Variants in TRPC5 observed in about 807,000 individuals in gnomAD.
The protein encoded by TRPC5 is transient receptor potential cation channel subfamily C member 5.
A neutral mutation model predicts 56.5 loss-of-function variants in TRPC5; 9 were observed. That is an observed-to-expected ratio of 0.16 (90% CI 0.10 to 0.28). The LOEUF (loss-of-function observed/expected upper bound fraction) is 0.28, where lower values mean the gene tolerates loss of function less well. TRPC5 is among the 10% of genes least tolerant of loss of function. The pLI is 1.00. For missense variants in TRPC5, 469 were observed against 748.9 expected, an observed-to-expected ratio of 0.63 and a Z score of 4.36; for synonymous variants, 282 against 278.5, an observed-to-expected ratio of 1.01 and a Z score of -0.13.
intron 3 of TRPC5, among the ~76,000 whole-genome samples, chrX:111,876,646 A>G (rs1923958659): frequency 1.8e-5 from 2 of 111,473 alleles, no homozygotes. Flanking sequence ...TCTGTTTAAT[A>G]TGACTTCCAG....
intron 3 of TRPC5, among the ~76,000 whole-genome samples, chrX:111,888,169 G>A (rs1369626099): frequency 9.0e-6 from 1 of 111,622 alleles, no homozygotes; most frequent in Non-Finnish European, 1.9e-5. Context: ...TGTGCTTGGT[G>A]AATTTGAGGA....
At chrX:111,901,922 G>A in intron 3 of TRPC5, 1 of 1,154,551 alleles carries the variant, frequency 8.7e-7, no homozygotes, top group South Asian at 1.9e-5. Context: ...AAGAATAGCT[G>A]ATGAGCTTTT....
At chrX:112,032,912 T>C (rs1281872135) in intron 1 of TRPC5, among the ~76,000 whole-genome samples, 2 of 111,329 alleles carry the variant, frequency 1.8e-5, no homozygotes, top group African/African-American at 6.5e-5. Context: ...GCCATACATA[T>C]ATCTTCTTTG....
rs1167884197 is a variant in TRPC5, at chrX:111,844,960, G to A, written c.1700+2154C>T. ...ACAGGTATGATAAATGCCTGAGGCC[G>A]GGTGCAGTGGCTCAGACCTGTAATC... is the stretch of plus-strand genomic sequence containing the variant. On this transcript the variant is annotated intron_variant, in intron 6 of 10. Transcript: ENST00000262839. 5.4e-5 allele frequency among the ~76,000 whole-genome samples: 6 copies of A among 110,313 alleles called. No homozygotes were observed. The Admixed American group carries it at 5.8e-4, about 11-fold the overall frequency.
chrX:111,793,412 A>G (rs11795603), intron 7 of TRPC5, among the ~76,000 whole-genome samples: 2,253 of 112,505 alleles, frequency 0.02, 28 homozygotes, highest in Non-Finnish European at 0.032. Flanking sequence ...ATTTCTTCGA[A>G]GAAGATACAT....
chrX:112,077,097 CTAT>C (rs200594850), intron 1 of TRPC5, among the ~76,000 whole-genome samples: 1,966 of 111,735 alleles, frequency 0.018, 42 homozygotes, highest in African/African-American at 0.061. Context: ...CCAGTTGGTA[CTAT>C]TATTAATCCC....
intron 1 of TRPC5, among the ~76,000 whole-genome samples, chrX:112,043,958 C>T (rs1447007412): frequency 9.5e-6 from 1 of 105,569 alleles, no homozygotes; most frequent in Non-Finnish European, 2.0e-5. Flanking sequence ...AGTTTAATTG[C>T]AGTTAGCAGG....
intron 2 of TRPC5, among the ~76,000 whole-genome samples, chrX:111,933,013 A>G (rs1443458175): frequency 8.9e-6 from 1 of 112,270 alleles, no homozygotes; most frequent in African/African-American, 3.2e-5. Context: ...GTTCCAGCTC[A>G]AAGACTATTT....
At chrX:111,875,346 G>A (rs1923889031) in intron 3 of TRPC5, among the ~76,000 whole-genome samples, 1 of 111,090 alleles carries the variant, frequency 9.0e-6, no homozygotes, top group Non-Finnish European at 1.9e-5. Context: ...TTGAGTTGTT[G>A]AAGAAAAGAC....
intron 1 of TRPC5, among the ~76,000 whole-genome samples, chrX:112,008,850 C>T (rs1427881610): frequency 9.0e-6 from 1 of 111,354 alleles, no homozygotes; most frequent in Non-Finnish European, 1.9e-5. Flanking sequence ...TAATCTTAAT[C>T]ATATTGAGAG....
intron 1 of TRPC5, among the ~76,000 whole-genome samples, chrX:111,965,087 G>A (rs192003394): frequency 0.08 from 8,838 of 110,882 alleles, 343 homozygotes; most frequent in Non-Finnish European, 0.12. Flanking sequence ...CCCATCTCAC[G>A]TGCAGAGACA....
chrX:112,043,193 C>T (rs1929940096), intron 1 of TRPC5, among the ~76,000 whole-genome samples: 1 of 111,959 alleles, frequency 8.9e-6, no homozygotes, highest in Admixed American at 9.5e-5. Flanking sequence ...CAGAGCCAAC[C>T]CTAGATTAGT....
chrX:112,054,601 G>C (rs750514464), intron 1 of TRPC5, among the ~76,000 whole-genome samples: 1 of 111,170 alleles, frequency 9.0e-6, no homozygotes, highest in Non-Finnish European at 1.9e-5. Flanking sequence ...GATTCATGGG[G>C]TGGGCGTGAG....
intron 6 of TRPC5, among the ~76,000 whole-genome samples, chrX:111,842,724 A>G (rs2148581412): frequency 8.9e-6 from 1 of 112,308 alleles, no homozygotes; most frequent in East Asian, 2.8e-4. Flanking sequence ...ATAAGATGAA[A>G]TATATAGGGA....
In TRPC5 at chrX:111,795,572, A is replaced by T. The variant is rs181684721; in HGVS notation, c.1897-13434T>A. Among the ~76,000 whole-genome samples, 20 of 110,300 alleles carry T rather than the reference A, an allele frequency of 1.8e-4. No homozygotes were observed. The East Asian group carries it at 4.3e-3, about 23-fold the overall frequency. The stretch of plus-strand genomic sequence containing the variant: ...CTTCTAGTGCCCATGGTTTCTGATT[A>T]AAAAAAAATTAGTTGTTGTCATATT... On this transcript the variant is annotated intron_variant, in intron 7 of 10. Coordinates refer to ENST00000262839, the MANE Select transcript of TRPC5 (RefSeq NM_012471.3).
intron 3 of TRPC5, among the ~76,000 whole-genome samples, chrX:111,885,698 T>TAG (rs777399192): frequency 9.0e-6 from 1 of 111,360 alleles, no homozygotes; most frequent in South Asian, 3.9e-4. Flanking sequence ...AACTCAGGTT[T>TAG]AGAGAGAATA....
At chrX:112,055,622 A>G (rs1402509623) in intron 1 of TRPC5, among the ~76,000 whole-genome samples, 4 of 109,342 alleles carry the variant, frequency 3.7e-5, no homozygotes, top group Non-Finnish European at 7.6e-5. Flanking sequence ...ATTATATATT[A>G]TTTTTAAATA....
chrX:112,000,584 C>A (rs772555761), intron 1 of TRPC5, among the ~76,000 whole-genome samples: 1 of 111,205 alleles, frequency 9.0e-6, no homozygotes, highest in African/African-American at 3.3e-5. Context: ...ACCTTTCAGA[C>A]CCCCAGTTTT....
intron 1 of TRPC5, among the ~76,000 whole-genome samples, chrX:112,025,588 C>T (rs180908395): frequency 3.6e-5 from 4 of 111,605 alleles, no homozygotes; most frequent in African/African-American, 1.3e-4. Flanking sequence ...TTAAAACTTC[C>T]ACTCTCCATG....
Sources: allele counts gnomAD v4.1 joint callset (sites outside exome capture counted in the v4.1 genomes callset), GRCh38; gene constraint gnomAD v4.1.1; transcripts MANE v1.5; gene names NCBI Gene and HGNC (gene_info 2026-07-23, HGNC 2026-07-21).